CNTN5: variants seen among roughly 807,000 people sequenced by gnomAD.
CNTN5 encodes the protein contactin-5.
In CNTN5, 77 loss-of-function variants were observed where a neutral mutation model predicts 129.1. That is an observed-to-expected ratio of 0.60 (90% CI 0.50 to 0.72). The LOEUF is 0.72. CNTN5 is among the 30% of genes least tolerant of loss of function. The pLI, the probability that CNTN5 is intolerant of heterozygous loss-of-function variation, is 0.00. For missense variants in CNTN5, 1,478 were observed against 1,328.8 expected, an observed-to-expected ratio of 1.11 and a Z score of -1.75; for synonymous variants, 509 against 465.6, an observed-to-expected ratio of 1.09 and a Z score of -1.20.
chr11:99,726,622 T>C (rs1041547884), intron 3 of CNTN5, among the ~76,000 whole-genome samples: 1 of 152,210 alleles, frequency 6.6e-6, no homozygotes, highest in Non-Finnish European at 1.5e-5. Context: ...CAACAAATCC[T>C]AAAAAATAGG....
At chr11:99,370,220 G>A (rs1939741698) in intron 2 of CNTN5, among the ~76,000 whole-genome samples, 2 of 152,160 alleles carry the variant, frequency 1.3e-5, no homozygotes, top group Non-Finnish European at 2.9e-5. Flanking sequence ...GAATTGAGAA[G>A]GCTTGGTATC....
intron 12 of CNTN5, 76 bp from the exon 13 acceptor site, chr11:100,074,068 C>T: frequency 1.5e-6 from 2 of 1,363,362 alleles, no homozygotes; most frequent in South Asian, 2.8e-5. Context: ...GAAAAAGTTA[C>T]AAGATCTTCA....
chr11:99,098,740 C>T (rs1408462804), intron 1 of CNTN5, among the ~76,000 whole-genome samples: 5 of 151,976 alleles, frequency 3.3e-5, no homozygotes, highest in African/African-American at 9.7e-5. Flanking sequence ...AGTCTATACT[C>T]GTATTCATAG....
chr11:99,214,773 A>T (rs1860034660), intron 1 of CNTN5, among the ~76,000 whole-genome samples: 1 of 152,120 alleles, frequency 6.6e-6, no homozygotes, highest in Non-Finnish European at 1.5e-5. Flanking sequence ...TTTAGGTTTC[A>T]ATAAGTCATT....
intron 3 of CNTN5, among the ~76,000 whole-genome samples, chr11:99,743,685 A>G (rs1320479240): frequency 6.6e-6 from 1 of 152,184 alleles, no homozygotes; most frequent in East Asian, 1.9e-4. Context: ...GACTTCTAAT[A>G]CAGGTGGCCT....
intron 1 of CNTN5, among the ~76,000 whole-genome samples, chr11:99,300,705 C>T (rs1436144923): frequency 2.0e-5 from 3 of 151,922 alleles, no homozygotes; most frequent in Non-Finnish European, 4.4e-5. Flanking sequence ...TAATCACCAG[C>T]AGATCTGCCC....
intron 1 of CNTN5, among the ~76,000 whole-genome samples, chr11:99,276,438 T>C (rs12796071): frequency 2.0e-5 from 3 of 151,684 alleles, no homozygotes; most frequent in Non-Finnish European, 4.4e-5. Context: ...ATAGCATCTG[T>C]ATCTTTCCTG....
At chr11:99,665,617 G>A (rs1473908781) in intron 3 of CNTN5, among the ~76,000 whole-genome samples, 2 of 150,734 alleles carry the variant, frequency 1.3e-5, no homozygotes, top group Admixed American at 6.6e-5. Context: ...CTCCCAAGTG[G>A]CTGGGTTTAC....
chr11:100,279,374 A>G (rs1208742975), intron 18 of CNTN5, among the ~76,000 whole-genome samples: 1 of 151,686 alleles, frequency 6.6e-6, no homozygotes, highest in African/African-American at 2.4e-5. Context: ...AAATAGTTTG[A>G]GTAGGATTGG....
intron 1 of CNTN5, among the ~76,000 whole-genome samples, chr11:99,132,183 T>C (rs1242817674): frequency 7.1e-6 from 1 of 140,916 alleles, no homozygotes; most frequent in Non-Finnish European, 1.5e-5. Flanking sequence ...GGAAAGGCCT[T>C]GGATAAAATT....
intron 1 of CNTN5, among the ~76,000 whole-genome samples, chr11:99,259,041 T>C (rs972649017): frequency 2.2e-4 from 32 of 148,756 alleles, no homozygotes; most frequent in African/African-American, 8.0e-4. Context: ...TTTCGAGTTA[T>C]GATATAACAC....
intron 2 of CNTN5, among the ~76,000 whole-genome samples, chr11:99,479,447 C>T (rs969449797): frequency 6.6e-6 from 1 of 151,908 alleles, no homozygotes; most frequent in African/African-American, 2.4e-5. Context: ...TAATATAGAG[C>T]AGGGCTTTAA....
At chr11:100,346,892 G>A (rs982371663) in intron 23 of CNTN5, among the ~76,000 whole-genome samples, 2 of 152,132 alleles carry the variant, frequency 1.3e-5, no homozygotes, top group African/African-American at 4.8e-5. Context: ...GATCACGGCG[G>A]AAGGTGAAAG....
chr11:100,323,330 G>A (rs963356278), intron 21 of CNTN5, among the ~76,000 whole-genome samples: 1 of 152,202 alleles, frequency 6.6e-6, no homozygotes, highest in East Asian at 1.9e-4. Context: ...GGCTCTTTCT[G>A]ATTAACTTCC....
chr11:100,348,002 A>T (rs1565444000), intron 23 of CNTN5, among the ~76,000 whole-genome samples: 1 of 151,854 alleles, frequency 6.6e-6, no homozygotes, highest in Non-Finnish European at 1.5e-5. Flanking sequence ...CAATACCACA[A>T]TCACTTTCTA....
intron 1 of CNTN5, among the ~76,000 whole-genome samples, chr11:99,089,564 G>A (rs1866152252): frequency 6.6e-6 from 1 of 152,086 alleles, no homozygotes; most frequent in Non-Finnish European, 1.5e-5. Flanking sequence ...CAGATTTTGT[G>A]CTTTTAGCCA....
intron 2 of CNTN5, among the ~76,000 whole-genome samples, chr11:99,528,813 C>T (rs558195446): frequency 6.6e-6 from 1 of 152,208 alleles, no homozygotes; most frequent in East Asian, 1.9e-4. Flanking sequence ...CCTGTAATCC[C>T]AGCACTTTGG....
chr11:100,167,508 G>A (rs1191791208), intron 13 of CNTN5, among the ~76,000 whole-genome samples: 2 of 151,748 alleles, frequency 1.3e-5, no homozygotes, highest in Non-Finnish European at 2.9e-5. Context: ...AATAGGCCTG[G>A]AACTGCCTAT....
intron 13 of CNTN5, among the ~76,000 whole-genome samples, chr11:100,096,744 C>G (rs1945025268): frequency 6.6e-6 from 1 of 152,082 alleles, no homozygotes; most frequent in South Asian, 2.1e-4. Flanking sequence ...TCACTTTCTA[C>G]CAGCATATTA....
Sources: allele counts gnomAD v4.1 joint callset (sites outside exome capture counted in the v4.1 genomes callset), GRCh38; gene constraint gnomAD v4.1.1; transcripts MANE v1.5; gene names NCBI Gene and HGNC (gene_info 2026-07-23, HGNC 2026-07-21).